The following PRKN variants were observed in gnomAD, a reference collection of about 807,000 sequenced individuals.
The protein encoded by PRKN is parkin RBR E3 ubiquitin protein ligase, also known as E3 ubiquitin-protein ligase parkin.
In PRKN, 56 loss-of-function variants were observed where a neutral mutation model predicts 59.5. The ratio of observed to expected loss-of-function variants is 0.94; its 90% CI spans 0.76 to 1.18. The LOEUF (loss-of-function observed/expected upper bound fraction) is 1.18, where lower values mean the gene tolerates loss of function less well. Among genes scored for constraint, PRKN ranks in the 50% most tolerant of loss-of-function variants. The pLI is 0.00. For missense variants in PRKN, 657 were observed against 596.4 expected (o/e 1.10, Z -1.06); for synonymous variants, 250 against 222.1 (o/e 1.13, Z -1.12).
At chr6:161,837,854 T>C (rs1241062381) in intron 6 of PRKN, among the ~76,000 whole-genome samples, 1 of 152,212 alleles carries the variant, frequency 6.6e-6, no homozygotes, top group African/African-American at 2.4e-5. Flanking sequence ...TTGAGAGCTT[T>C]TTTAATGTTT....
chr6:161,782,596 T>C (rs1161053930), intron 7 of PRKN, among the ~76,000 whole-genome samples: 1 of 152,146 alleles, frequency 6.6e-6, no homozygotes, highest in African/African-American at 2.4e-5. Context: ...ACACAATAAA[T>C]TTAAAAGCAA....
chr6:162,318,647 G>A (rs186354945), intron 2 of PRKN, among the ~76,000 whole-genome samples: 1 of 152,052 alleles, frequency 6.6e-6, no homozygotes, highest in East Asian at 2.0e-4. Context: ...TATCCTAATG[G>A]ATGTGGTACT....
chr6:162,457,416 C>A (rs559421053), intron 1 of PRKN, among the ~76,000 whole-genome samples: 4 of 152,026 alleles, frequency 2.6e-5, no homozygotes, highest in Non-Finnish European at 5.9e-5. Context: ...ATAATTTAAC[C>A]TTAATATTTA....
At chr6:162,721,271 C>A (rs987194079) in intron 1 of PRKN, among the ~76,000 whole-genome samples, 2 of 152,230 alleles carry the variant, frequency 1.3e-5, no homozygotes, top group African/African-American at 4.8e-5. Context: ...CAATGAAGGT[C>A]ATGAGAAGTC....
intron 7 of PRKN, among the ~76,000 whole-genome samples, chr6:161,573,856 T>C (rs2128135985): frequency 7.1e-6 from 1 of 141,614 alleles, no homozygotes; most frequent in Admixed American, 7.2e-5. Flanking sequence ...AGCGGTCTTT[T>C]ATGTCACTCA....
At chr6:162,297,567 T>C (rs553120205) in intron 2 of PRKN, among the ~76,000 whole-genome samples, 1 of 152,280 alleles carries the variant, frequency 6.6e-6, no homozygotes, top group South Asian at 2.1e-4. Flanking sequence ...AAGAAATTAT[T>C]GTGGGTTCAT....
At chr6:161,441,073 CA>C (rs1789193505) in intron 9 of PRKN, among the ~76,000 whole-genome samples, 1 of 152,158 alleles carries the variant, frequency 6.6e-6, no homozygotes, top group South Asian at 2.1e-4. Flanking sequence ...TAAACACCAT[CA>C]GGGGTTCTGG....
chr6:161,670,605 G>A (rs927236527), intron 7 of PRKN, among the ~76,000 whole-genome samples: 2 of 152,174 alleles, frequency 1.3e-5, no homozygotes, highest in African/African-American at 4.8e-5. Flanking sequence ...CATGAGGTCA[G>A]GAGATCGAGA....
chr6:161,586,907 T>A (rs1163338891), intron 7 of PRKN, among the ~76,000 whole-genome samples: 4 of 152,222 alleles, frequency 2.6e-5, no homozygotes, highest in Admixed American at 2.6e-4. Flanking sequence ...GTGGCTAGTA[T>A]GGTCTAGACA....
At chr6:161,506,831 C>T (rs1778191365) in intron 9 of PRKN, among the ~76,000 whole-genome samples, 1 of 152,154 alleles carries the variant, frequency 6.6e-6, no homozygotes, top group Non-Finnish European at 1.5e-5. Context: ...TAAACTAGGC[C>T]ATTGGTCTGC....
chr6:161,952,838 G>T (rs564173546), intron 6 of PRKN, among the ~76,000 whole-genome samples: 1 of 152,124 alleles, frequency 6.6e-6, no homozygotes, highest in Non-Finnish European at 1.5e-5. Context: ...AATAATAAAA[G>T]TTGGATCTTT....
At chr6:161,432,532 A>ATTTTTTTTTTTTTTT (rs767620173) in intron 9 of PRKN, among the ~76,000 whole-genome samples, 1 of 125,494 alleles carries the variant, frequency 8.0e-6, no homozygotes. Flanking sequence ...TGCCCAGCTA[A>ATTTTTTTTTTTTTTT]TTTTTTTTTT....
At chr6:162,403,739 T>G (rs1254859468) in intron 2 of PRKN, among the ~76,000 whole-genome samples, 1 of 152,032 alleles carries the variant, frequency 6.6e-6, no homozygotes, top group South Asian at 2.1e-4. Flanking sequence ...AGCCTCAAAG[T>G]TTGGATGGGA....
chr6:161,574,904 CAA>C (rs1781071806), intron 7 of PRKN, among the ~76,000 whole-genome samples: 1 of 152,162 alleles, frequency 6.6e-6, no homozygotes, highest in Admixed American at 6.5e-5. Flanking sequence ...GCTTTCTTGA[CAA>C]GAGCCTATTC....
At chr6:162,205,065 G>T (rs9458484) in intron 3 of PRKN, among the ~76,000 whole-genome samples, 4,024 of 152,010 alleles carry the variant, frequency 0.026, 145 homozygotes, top group African/African-American at 0.081. Context: ...GTTTCACCAT[G>T]TTGGCCTGGA....
At position 162,106,573 on chromosome 6, in the gene PRKN, T is replaced by G. The variant is rs1238253103; in HGVS notation, c.535-52399A>C. On this transcript the variant is annotated intron_variant, in intron 4 of 11. Transcript: ENST00000366898. ...TCATCTGTTTCTCTTAGATACTTCTTCATTTTACTTAGGAGGAGAGCAGCA... is the reference window on the plus strand; with the variant it reads ...TCATCTGTTTCTCTTAGATACTTCTGCATTTTACTTAGGAGGAGAGCAGCA... 2.0e-5 allele frequency among the ~76,000 whole-genome samples: 3 copies of G among 152,252 alleles called. No homozygotes were observed. In the East Asian group the frequency reaches 5.8e-4, roughly 29 times the overall value.
In PRKN at chr6:161,455,151, G is replaced by T. The variant is rs369850501; in HGVS notation, c.1084-68274C>A. ...CCCCCCGGGTTCAAGCAATGCTCCT[G>T]CCTCAGCCTCCTGAGTAGCTGGAAT... On this transcript the variant is annotated intron_variant, in intron 9 of 11. Coordinates refer to ENST00000366898, the MANE Select transcript of PRKN (RefSeq NM_004562.3). Among the ~76,000 whole-genome samples, 24 of 151,544 alleles carry T rather than the reference G, an allele frequency of 1.6e-4. 1 individual carries two copies. The East Asian group carries it at 4.1e-3, about 26-fold the overall frequency.
intron 2 of PRKN, among the ~76,000 whole-genome samples, chr6:162,339,738 C>G (rs1242979130): frequency 6.6e-6 from 1 of 151,704 alleles, no homozygotes; most frequent in Non-Finnish European, 1.5e-5. Flanking sequence ...GGATGGTTGC[C>G]GTGTCTGTGT....
At position 162,705,270 on chromosome 6, in the gene PRKN, T is replaced by C. The variant is rs148395788; in HGVS notation, c.7+22392A>G. 4.5e-3 allele frequency among the ~76,000 whole-genome samples: 692 copies of C among 152,244 alleles called. 7 individuals are homozygous for C. Among genetic ancestry groups the C allele is most frequent in the African/African-American group, 0.015 (643 of 41,538 alleles). ...AAGTGATACCCTTGAAAATCCCCTT[T>C]ACTGTTTCAGAAGAACACTGTTTTA... On this transcript the variant is annotated intron_variant, in intron 1 of 11. Coordinates refer to ENST00000366898, the MANE Select transcript of PRKN (RefSeq NM_004562.3).
Sources: gnomAD v4.1 joint callset for allele counts (sites outside exome capture counted in the v4.1 genomes callset) on GRCh38, gnomAD v4.1.1 for gene constraint, MANE v1.5 for transcripts, NCBI Gene and HGNC (gene_info 2026-07-23, HGNC 2026-07-21) for gene names.